The following RTF2 variants were observed in gnomAD, a reference collection of about 807,000 sequenced individuals.
RTF2 encodes the protein UPF0549 protein C20orf43.
RTF2 carries 18 observed loss-of-function variants against 38.0 expected under a neutral mutation model. The ratio of observed to expected loss-of-function variants is 0.47; its 90% CI spans 0.33 to 0.70. The LOEUF (loss-of-function observed/expected upper bound fraction) is 0.70. Among genes scored for constraint, RTF2 ranks in the 30% least tolerant of loss-of-function variants. The pLI is 0.02. For synonymous variants in RTF2, 126 were observed against 137.1 expected, an observed-to-expected ratio of 0.92 and a Z score of 0.57; for missense variants, 311 against 379.6, an observed-to-expected ratio of 0.82 and a Z score of 1.50.
At chr20:56,480,064 TC>T (rs1222722609) in intron 4 of RTF2, among the ~76,000 whole-genome samples, 2 of 152,176 alleles carry the variant, frequency 1.3e-5, no homozygotes, top group Admixed American at 1.3e-4. Flanking sequence ...ATGCTTTGAA[TC>T]CAGGCATTAC....
intron 5 of RTF2, among the ~76,000 whole-genome samples, chr20:56,495,957 C>T (rs1983501407): frequency 6.6e-6 from 1 of 152,186 alleles, no homozygotes; most frequent in South Asian, 2.1e-4. Flanking sequence ...TTACAGAGAG[C>T]CCTTAGCACA....
chr20:56,491,199 C>A (rs1983104135), intron 5 of RTF2, among the ~76,000 whole-genome samples: 1 of 152,226 alleles, frequency 6.6e-6, no homozygotes. Context: ...CTTAGTATCT[C>A]ATACACAGTA....
chr20:56,518,201 G>C lies in RTF2; in HGVS notation c.857G>C (p.Ser286Thr), dbSNP rs754923467. 4 of 1,614,040 alleles carry C rather than the reference G, an allele frequency of 2.5e-6. No individual in the cohort carries two copies. The African/African-American group carries it at 5.3e-5, about 22-fold the overall frequency. The change falls in exon 9 of 9, where the codon AGC becomes ACC. Residue 286 changes from serine (S) to threonine (T), a missense_variant. Ser to Thr is a moderately conservative substitution (Grantham distance 58). Transcript: ENST00000357348. ...TACAAGTCCCTCTTTACCACTCACA[G>C]CTCCGCCAAGCGCTCCAAGGAGGAG... ...EAYKSLFTTH[S>T]SAKRSKEESA...
chr20:56,518,493 C>T lies in RTF2; in HGVS notation c.*228C>T. On this transcript the variant is annotated 3_prime_UTR_variant, in exon 9 of 9. Transcript: ENST00000357348. ...TGGCCCGAGGTCATGCTTGCTTCCA[C>T]CTGCAGGTGCATTTGGTCCTTTCCA... The T allele has an allele frequency of 2.4e-6, 1 of 417,190 alleles. No homozygotes were observed. Among genetic ancestry groups the T allele is most frequent in the Non-Finnish European group, 4.2e-6 (1 of 237,656 alleles). 25.8% of individuals were successfully genotyped at this position (417,190 alleles called of 1,614,324 possible).
intron 5 of RTF2, among the ~76,000 whole-genome samples, chr20:56,502,691 T>C (rs954963110): frequency 1.3e-5 from 2 of 152,238 alleles, no homozygotes; most frequent in Admixed American, 6.5e-5. Flanking sequence ...ATATTACCAT[T>C]TTAAAGCATT....
At chr20:56,511,390 G>T (rs138581128) in intron 5 of RTF2, among the ~76,000 whole-genome samples, 221 of 152,184 alleles carry the variant, frequency 1.5e-3, no homozygotes, top group Middle Eastern at 0.01. Context: ...CTGATGATCT[G>T]AGGTGGAACA....
At chr20:56,488,306 A>G (rs1982900704) in intron 5 of RTF2, among the ~76,000 whole-genome samples, 1 of 152,088 alleles carries the variant, frequency 6.6e-6, no homozygotes, top group Admixed American at 6.6e-5. Context: ...AGTTGCAGTG[A>G]GCCAAGATCA....
chr20:56,511,850 T>G (rs964061005), intron 5 of RTF2, among the ~76,000 whole-genome samples: 1 of 152,058 alleles, frequency 6.6e-6, no homozygotes, highest in African/African-American at 2.4e-5. Flanking sequence ...CTTTTTTTTT[T>G]GAGACGGAGT....
intron 5 of RTF2, among the ~76,000 whole-genome samples, chr20:56,490,657 A>T (rs1161217622): frequency 1.3e-5 from 2 of 152,204 alleles, no homozygotes; most frequent in African/African-American, 2.4e-5. Context: ...TCTAGTAAAA[A>T]TACAAAAAAA....
chr20:56,469,629 C>G (rs1479050734), intron 1 of RTF2, among the ~76,000 whole-genome samples: 1 of 152,198 alleles, frequency 6.6e-6, no homozygotes, highest in East Asian at 1.9e-4. Context: ...CACGTGGAGA[C>G]TTCATGTATT....
Position 56,497,506 on chromosome 20 carries a change from C to T in RTF2, c.477+13317C>T, listed in dbSNP as rs1372766778. The stretch of plus-strand genomic sequence containing the variant: ...ACTACTTCTGGTTGGGCAGGTTCTT[C>T]TTCTGATTCTGCAGGAGTTGGATTC... On this transcript the variant is annotated intron_variant, in intron 5 of 8. Coordinates refer to ENST00000357348, the MANE Select transcript of RTF2 (RefSeq NM_016407.5). 6 of 1,474,910 alleles carry T rather than the reference C, an allele frequency of 4.1e-6. 1 individual carries two copies. The South Asian group carries it at 7.3e-5, about 18-fold the overall frequency. 91.4% of individuals were successfully genotyped at this position (1,474,910 alleles called of 1,614,324 possible).
At chr20:56,477,193 T>C in intron 4 of RTF2, 69 bp downstream of exon 4, 1 of 1,574,628 alleles carries the variant, frequency 6.4e-7, no homozygotes, top group South Asian at 1.1e-5. Flanking sequence ...GTGGCAGTGG[T>C]GCCGGAGCTT....
chr20:56,475,557 A>G (rs920500254), intron 3 of RTF2, among the ~76,000 whole-genome samples: 2 of 152,208 alleles, frequency 1.3e-5, no homozygotes, highest in African/African-American at 4.8e-5. Context: ...TTCTGATTTT[A>G]GTGGTCTTTT....
Position 56,484,097 on chromosome 20 carries a change from G to A in RTF2, c.399-14G>A, listed in dbSNP as rs1287922392. ...GATTAATACAGTCCTTCCCCCACTGGGTTATTTCTCCAGGTTCTGCTTCCT... is the reference window on the plus strand; with the variant it reads ...GATTAATACAGTCCTTCCCCCACTGAGTTATTTCTCCAGGTTCTGCTTCCT... On this transcript the variant is annotated splice_polypyrimidine_tract_variant and intron_variant, in intron 4 of 8. Transcript: ENST00000357348. The A allele has an allele frequency of 1.2e-6, 2 of 1,612,740 alleles. No individual in the cohort carries two copies. The highest frequency in any genetic ancestry group is 2.7e-5 in the African/African-American group (2 of 74,808).
Position 56,496,068 on chromosome 20 carries a change from A to G in RTF2, c.477+11879A>G, listed in dbSNP as rs567629958. 2.6e-5 allele frequency among the ~76,000 whole-genome samples: 4 copies of G among 152,348 alleles called. No homozygotes were observed. In the East Asian group the frequency reaches 7.7e-4, roughly 29 times the overall value. On this transcript the variant is annotated intron_variant, in intron 5 of 8. Transcript: ENST00000357348. ...TTTCCAAAGTCTCAGGAGATGCAAAATGCCAGTACTTCTTTCTAGAGAGGG... is the reference window on the plus strand; with the variant it reads ...TTTCCAAAGTCTCAGGAGATGCAAAGTGCCAGTACTTCTTTCTAGAGAGGG...
chr20:56,491,792 A>G, intron 5 of RTF2: 1 of 1,545,036 alleles, frequency 6.5e-7, no homozygotes, highest in Non-Finnish European at 8.8e-7. Context: ...GCCTGCAGAA[A>G]GAAACACAAA....
At chr20:56,479,818 CT>C (rs56227133) in intron 4 of RTF2, among the ~76,000 whole-genome samples, 2,409 of 142,328 alleles carry the variant, frequency 0.017, 59 homozygotes, top group African/African-American at 0.059. Context: ...TGAAAGGAAT[CT>C]TTTTTTTTTT....
intron 5 of RTF2, among the ~76,000 whole-genome samples, chr20:56,506,419 A>G (rs1984274618): frequency 1.5e-5 from 1 of 65,558 alleles, no homozygotes; most frequent in Non-Finnish European, 2.9e-5. Flanking sequence ...TCAGCTGTTC[A>G]TTGCTAATAT....
chr20:56,517,013 A>G (rs1360826733), intron 7 of RTF2, 24 bp downstream of exon 7: 9 of 1,612,336 alleles, frequency 5.6e-6, no homozygotes, highest in Non-Finnish European at 6.8e-6. Context: ...AGAGATCCTT[A>G]TTTTAGCAAA....
Sources: allele counts gnomAD v4.1 joint callset (sites outside exome capture counted in the v4.1 genomes callset), GRCh38; gene constraint gnomAD v4.1.1; transcripts MANE v1.5; gene names NCBI Gene and HGNC (gene_info 2026-07-23, HGNC 2026-07-21).